Variants in HACD4 observed in about 807,000 individuals in gnomAD.
HACD4 encodes 3-hydroxyacyl-CoA dehydratase 4.
HACD4 carries 35 observed loss-of-function variants against 33.3 expected under a neutral mutation model. The observed-to-expected ratio is 1.05, with a 90% CI of 0.80 to 1.39. The LOEUF is 1.39. HACD4 is among the 40% of genes most tolerant of loss of function. The pLI is 0.00. For synonymous variants in HACD4, 118 were observed against 98.0 expected (o/e 1.20, Z -1.21); for missense variants, 323 against 276.5 (o/e 1.17, Z -1.19).
chr9:21,026,569 C>G (rs544803215), intron 3 of HACD4, 27 bp downstream of exon 3: 2 of 1,574,164 alleles, frequency 1.3e-6, no homozygotes, highest in African/African-American at 1.4e-5. Flanking sequence ...GAAACAGATT[C>G]TATAATAATA....
chr9:21,029,846 G>C (rs1259113782), intron 1 of HACD4, among the ~76,000 whole-genome samples: 1 of 152,098 alleles, frequency 6.6e-6, no homozygotes, highest in Non-Finnish European at 1.5e-5. Flanking sequence ...CGGCCGACTG[G>C]GAGCTGCGGC....
In HACD4 at chr9:21,004,337, A is replaced by T. The variant is rs1842220081; in HGVS notation, c.*2700T>A. ...CTTCTTTTAAGGCATCAAAGCCCAA[A>T]TAACTTACAAGATGTTAACAAATAC... On this transcript the variant is annotated 3_prime_UTR_variant, in exon 7 of 7. Coordinates refer to ENST00000495827, the MANE Select transcript of HACD4 (RefSeq NM_001010915.5). This position sits in a 1 kb window ranked among gnomAD's most constrained non-coding sequence, Gnocchi z 4.6. 6.6e-6 allele frequency: 1 copy of T among 152,180 alleles called. No homozygotes were observed. The highest frequency in any genetic ancestry group is 1.5e-5 in the Non-Finnish European group (1 of 68,052). 9.4% of individuals were successfully genotyped at this position (152,180 alleles called of 1,614,324 possible).
chr9:21,020,147 G>A (rs1277742601), intron 3 of HACD4, among the ~76,000 whole-genome samples: 1 of 152,040 alleles, frequency 6.6e-6, no homozygotes, highest in African/African-American at 2.4e-5. Context: ...AATCATTTAG[G>A]AGTATTAGTT....
At chr9:21,021,950 A>G (rs906584742) in intron 3 of HACD4, among the ~76,000 whole-genome samples, 30 of 152,134 alleles carry the variant, frequency 2.0e-4, no homozygotes, top group African/African-American at 6.3e-4. Flanking sequence ...GAACAAAGCT[A>G]GAGGCATCAC....
Position 21,006,016 on chromosome 9 carries a change from T to G in HACD4, c.*1021A>C, listed in dbSNP as rs1842260281. The G allele has an allele frequency of 6.6e-6, 1 of 152,192 alleles. No individual in the cohort carries two copies. The highest frequency in any genetic ancestry group is 6.6e-5 in the Admixed American group (1 of 15,262). The allele number at this position is 152,192 out of a possible 1,614,324, so 9.4% of individuals were successfully genotyped here. On this transcript the variant is annotated 3_prime_UTR_variant, in exon 7 of 7. Transcript: ENST00000495827. This position sits in a 1 kb window ranked among gnomAD's most constrained non-coding sequence, Gnocchi z 4.6. ...TACCTTGAATCTCACCCACATCTGATTTAGACGAGACTTTGGACTTTAGAG... is the reference window on the plus strand; with the variant it reads ...TACCTTGAATCTCACCCACATCTGAGTTAGACGAGACTTTGGACTTTAGAG...
intron 3 of HACD4, 68 bp downstream of exon 3, chr9:21,026,528 G>C: frequency 1.5e-6 from 2 of 1,333,724 alleles, no homozygotes; most frequent in Non-Finnish European, 2.1e-6. Flanking sequence ...ATAAAGTCAA[G>C]AGAAGCTTTA....
At chr9:21,010,465 C>CT (rs1325995719) in intron 5 of HACD4, among the ~76,000 whole-genome samples, 4 of 117,730 alleles carry the variant, frequency 3.4e-5, no homozygotes, top group Admixed American at 1.7e-4. Flanking sequence ...TACCCCCCCC[C>CT]CCCCCAGAGC....
In HACD4 at chr9:21,002,661, T is replaced by C. The variant is rs924009971; in HGVS notation, c.*4376A>G. The C allele has an allele frequency of 6.6e-6, 1 of 152,122 alleles. No individual in the cohort carries two copies. Among genetic ancestry groups the C allele is most frequent in the Non-Finnish European group, 1.5e-5 (1 of 67,982 alleles). 9.4% of individuals were successfully genotyped at this position (152,122 alleles called of 1,614,324 possible). On this transcript the variant is annotated 3_prime_UTR_variant, in exon 7 of 7. Coordinates refer to ENST00000495827, the MANE Select transcript of HACD4 (RefSeq NM_001010915.5). ...GTGGTGATGGTTGCACAATATAAAT[T>C]ACTTACTACTACTGAACTGCACACT...
intron 5 of HACD4, among the ~76,000 whole-genome samples, chr9:21,010,541 T>C (rs1164166125): frequency 6.8e-6 from 1 of 147,444 alleles, no homozygotes; most frequent in Admixed American, 6.9e-5. Flanking sequence ...TATGCTGATA[T>C]AAGCCCTGTT....
At position 21,000,822 on chromosome 9, in the gene HACD4, T is replaced by G. The variant is rs1312503619; in HGVS notation, c.*6215A>C. 2.0e-5 allele frequency: 3 copies of G among 152,156 alleles called. No individual in the cohort carries two copies. The allele number at this position is 152,156 out of a possible 1,614,324, so 9.4% of individuals were successfully genotyped here. A position where few individuals can be genotyped will look rare whatever the true frequency, so the allele number is the denominator to read the frequency against. ...TAAAATGTTTTCTCCATAAGTAAACTTAAATAATTGTAAGATTCTTTCTTT... is the reference window on the plus strand; with the variant it reads ...TAAAATGTTTTCTCCATAAGTAAACGTAAATAATTGTAAGATTCTTTCTTT... On this transcript the variant is annotated 3_prime_UTR_variant, in exon 7 of 7. Transcript: ENST00000495827.
rs1336775046 is a variant in HACD4, at chr9:21,003,229, GT to G, written c.*3807del. The stretch of plus-strand genomic sequence containing the variant: ...TTCTTTTGGTTTTCAATTTTAAGAA[GT>G]TTTTAAGTTAATCTGGTTTTAAAAA... On this transcript the variant is annotated 3_prime_UTR_variant, in exon 7 of 7. Coordinates refer to ENST00000495827, the MANE Select transcript of HACD4 (RefSeq NM_001010915.5). 6.6e-6 allele frequency: 1 copy of G among 152,092 alleles called. No individual in the cohort carries two copies. Among genetic ancestry groups the G allele is most frequent in the Non-Finnish European group, 1.5e-5 (1 of 67,982 alleles). 9.4% of individuals were successfully genotyped at this position (152,092 alleles called of 1,614,324 possible).
At position 21,002,165 on chromosome 9, in the gene HACD4, A is replaced by T. The variant is rs1228964537; in HGVS notation, c.*4872T>A. Reference sequence around the variant, plus strand: ...AGTTCAGCTGGCATAAGTCCAAATTACCTTCCGGATATTAAATGTCACCCT... The same window carrying T: ...AGTTCAGCTGGCATAAGTCCAAATTTCCTTCCGGATATTAAATGTCACCCT... On this transcript the variant is annotated 3_prime_UTR_variant, in exon 7 of 7. Transcript: ENST00000495827. The T allele has an allele frequency of 6.6e-6, 1 of 152,144 alleles. No homozygotes were observed. The highest frequency in any genetic ancestry group is 1.5e-5 in the Non-Finnish European group (1 of 67,980). The allele number at this position is 152,144 out of a possible 1,614,324, so 9.4% of individuals were successfully genotyped here.
intron 3 of HACD4, among the ~76,000 whole-genome samples, chr9:21,020,535 T>C (rs552131577): frequency 6.6e-6 from 1 of 152,208 alleles, no homozygotes; most frequent in African/African-American, 2.4e-5. Context: ...AAAAGTCAAG[T>C]TGTTTTGATT....
chr9:21,024,286 T>C (rs560499267), intron 3 of HACD4, among the ~76,000 whole-genome samples: 1 of 152,320 alleles, frequency 6.6e-6, no homozygotes, highest in African/African-American at 2.4e-5. Context: ...ACAACAAAAA[T>C]TGATAATATT....
At chr9:21,015,808 C>T (rs373460981) in intron 4 of HACD4, 90 bp downstream of exon 4, 69 of 716,994 alleles carry the variant, frequency 9.6e-5, no homozygotes, top group African/African-American at 7.9e-4. Context: ...TTTCCTCTCT[C>T]GTACCAAGTA....
intron 6 of HACD4, 121 bp from the exon 7 acceptor site, chr9:21,007,240 G>T (rs1842293097): frequency 1.5e-6 from 1 of 645,976 alleles, no homozygotes; most frequent in African/African-American, 1.8e-5. Flanking sequence ...TTGCAAGGGA[G>T]ATGTGAGAAG....
chr9:21,029,218 A>T (rs1046846772), intron 2 of HACD4, 77 bp downstream of exon 2: 2 of 836,904 alleles, frequency 2.4e-6, no homozygotes, highest in African/African-American at 3.5e-5. Context: ...TGAGGTGTGT[A>T]GAAATTTAAT....
rs750789873 is a variant in HACD4 at position 21,008,121 on chromosome 9, A to G, written c.516T>C (p.Pro172=). 6.2e-7 allele frequency: 1 copy of G among 1,608,282 alleles called. No individual in the cohort carries two copies. Among genetic ancestry groups the G allele is most frequent in the Non-Finnish European group, 8.5e-7 (1 of 1,177,634 alleles). The change falls in exon 6 of 7, where the codon CCT becomes CCC. Residue 172 remains proline, a synonymous_variant. Coordinates refer to ENST00000495827, the MANE Select transcript of HACD4 (RefSeq NM_001010915.5). ...AEAFAIYQSL[P]YFESFGTYST... is the part of the protein sequence containing the mutation. ...AATAAGTGCCAAATGATTCAAAATA[A>G]GGCAGCGATTGATAGATGGCAAATG...
chr9:21,024,136 T>G (rs1003948059), intron 3 of HACD4, among the ~76,000 whole-genome samples: 44 of 152,260 alleles, frequency 2.9e-4, no homozygotes, highest in Non-Finnish European at 4.6e-4. Flanking sequence ...AAAATGAAAC[T>G]TTGGGCACAA....
Sources: allele counts gnomAD v4.1 joint callset (sites outside exome capture counted in the v4.1 genomes callset), GRCh38; gene constraint gnomAD v4.1.1; non-coding constraint Gnocchi (gnomAD v3.1); transcripts MANE v1.5; gene names NCBI Gene and HGNC (gene_info 2026-07-23, HGNC 2026-07-21).